Variants in DMD observed in about 807,000 individuals in gnomAD.
DMD encodes the protein mutant dystrophin.
Under a neutral mutation model 330.1 loss-of-function variants are expected in DMD, and 63 were observed. That is an observed-to-expected ratio of 0.19 (90% CI 0.16 to 0.24). The LOEUF is 0.24. Among genes scored for constraint, DMD ranks in the 10% least tolerant of loss-of-function variants. DMD has a pLI of 1.00. For missense variants in DMD, 3,344 were observed against 2,684.1 expected (o/e 1.25, Z -5.43); for synonymous variants, 1,223 against 959.8 (o/e 1.27, Z -5.07).
intron 7 of DMD, among the ~76,000 whole-genome samples, chrX:32,764,965 T>C (rs1428157165): frequency 9.2e-6 from 1 of 108,999 alleles, no homozygotes; most frequent in African/African-American, 3.3e-5. Flanking sequence ...GGGTTTTTTT[T>C]TTTTTTTTTG....
At chrX:33,271,057 T>C (rs771321838) in intron 1 of DMD, among the ~76,000 whole-genome samples, 1 of 111,861 alleles carries the variant, frequency 8.9e-6, no homozygotes, top group South Asian at 3.7e-4. Flanking sequence ...ATCTATTTTC[T>C]CGAAGATCTT....
At chrX:31,713,796 C>T (rs191119297) in intron 52 of DMD, among the ~76,000 whole-genome samples, 1 of 111,664 alleles carries the variant, frequency 9.0e-6, no homozygotes, top group East Asian at 2.8e-4. Flanking sequence ...TTCCTAGCCC[C>T]AATACCTTGC....
chrX:32,661,047 T>A (rs907650587), intron 9 of DMD, among the ~76,000 whole-genome samples: 29 of 111,380 alleles, frequency 2.6e-4, no homozygotes, highest in Non-Finnish European at 4.2e-4. Context: ...AGATATCAAG[T>A]ACCATATATT....
At chrX:33,007,816 T>C (rs1230220435) in intron 2 of DMD, among the ~76,000 whole-genome samples, 1 of 111,795 alleles carries the variant, frequency 8.9e-6, no homozygotes, top group Non-Finnish European at 1.9e-5. Flanking sequence ...CAAGTACAGA[T>C]ATGATACTCA....
chrX:31,962,445 T>A (rs1433813451), intron 45 of DMD, among the ~76,000 whole-genome samples: 1 of 111,888 alleles, frequency 8.9e-6, no homozygotes, highest in African/African-American at 3.3e-5. Flanking sequence ...GGAAATCTTA[T>A]TAAAAATGCT....
chrX:32,053,652 T>C (rs1267455426), intron 44 of DMD, among the ~76,000 whole-genome samples: 1 of 111,189 alleles, frequency 9.0e-6, no homozygotes, highest in Admixed American at 9.6e-5. Flanking sequence ...TATGCCTTTG[T>C]TCCCTCTGTC....
At chrX:32,747,346 T>C (rs2748307) in intron 7 of DMD, among the ~76,000 whole-genome samples, 33,879 of 111,452 alleles carry the variant, frequency 0.3, 3,859 homozygotes, top group Middle Eastern at 0.46. Flanking sequence ...ACTCAAACTT[T>C]AGTTGGAGAA....
At chrX:33,071,684 T>C (rs2094760021) in intron 1 of DMD, among the ~76,000 whole-genome samples, 1 of 111,539 alleles carries the variant, frequency 9.0e-6, no homozygotes, top group South Asian at 3.7e-4. Context: ...TTTCAATTAT[T>C]ATGCTTTTAT....
chrX:31,154,294 T>G (rs1361267274), intron 74 of DMD, among the ~76,000 whole-genome samples: 5 of 108,535 alleles, frequency 4.6e-5, no homozygotes, highest in African/African-American at 1.4e-4. Flanking sequence ...TTTTTTTTAT[T>G]TTTTTATTTT....
chrX:31,511,318 T>C (rs982348967), intron 55 of DMD, among the ~76,000 whole-genome samples: 29 of 88,617 alleles, frequency 3.3e-4, no homozygotes, highest in Non-Finnish European at 5.6e-4. Flanking sequence ...CATTTTTTAT[T>C]TATTTATTTA....
intron 18 of DMD, among the ~76,000 whole-genome samples, chrX:32,508,180 A>G (rs1397565598): frequency 1.8e-5 from 2 of 111,241 alleles, no homozygotes; most frequent in African/African-American, 6.5e-5. Flanking sequence ...CAGCTCAAAT[A>G]AACTGAATAA....
intron 2 of DMD, among the ~76,000 whole-genome samples, chrX:32,989,632 T>C (rs1475775053): frequency 8.9e-6 from 1 of 111,860 alleles, no homozygotes; most frequent in Non-Finnish European, 1.9e-5. Context: ...GTCTTTACAA[T>C]GAGAGCTCAA....
chrX:32,878,069 T>G (rs188162318), intron 2 of DMD, among the ~76,000 whole-genome samples: 134 of 112,378 alleles, frequency 1.2e-3, no homozygotes, highest in African/African-American at 4.3e-3. Context: ...AGGCATCAGA[T>G]TTCTATTTGA....
chrX:31,789,153 C>T (rs1031191581), intron 50 of DMD, among the ~76,000 whole-genome samples: 1 of 111,188 alleles, frequency 9.0e-6, no homozygotes, highest in Admixed American at 9.6e-5. Flanking sequence ...ATCCTTTGTT[C>T]TATATGCCTT....
At chrX:32,964,274 A>C (rs1394091379) in intron 2 of DMD, among the ~76,000 whole-genome samples, 2 of 107,520 alleles carry the variant, frequency 1.9e-5, no homozygotes, top group East Asian at 5.9e-4. Flanking sequence ...AAAAAAAAAA[A>C]ATTCACTGGC....
At position 32,216,867 on chromosome X, in the gene DMD, G is replaced by C. The variant is rs1430882102; in HGVS notation, c.6438+49C>G. The C allele has an allele frequency of 3.6e-6, 4 of 1,120,556 alleles. No homozygotes were observed. The African/African-American group carries it at 7.1e-5, about 20-fold the overall frequency. 92.3% of individuals were successfully genotyped at this position (1,120,556 alleles called of 1,213,427 possible). ...GATCTTTAAGAAGTTAAAGAGTCCA[G>C]ATGTGCTGAAGATAAATACAATTTC... On this transcript the variant is annotated intron_variant, in intron 44 of 78. Transcript: ENST00000357033.
chrX:33,116,590 C>A (rs999691622), intron 1 of DMD, among the ~76,000 whole-genome samples: 48 of 111,232 alleles, frequency 4.3e-4, no homozygotes, highest in African/African-American at 1.5e-3. Flanking sequence ...GTTATGGAAT[C>A]AAAGTTAATC....
intron 54 of DMD, among the ~76,000 whole-genome samples, chrX:31,652,320 T>G (rs1484414783): frequency 9.0e-6 from 1 of 111,624 alleles, no homozygotes; most frequent in Admixed American, 9.5e-5. Context: ...TTCCACACTG[T>G]GTGTATGACC....
intron 44 of DMD, among the ~76,000 whole-genome samples, chrX:32,213,155 G>T (rs765117794): frequency 1.8e-5 from 2 of 112,142 alleles, no homozygotes; most frequent in Non-Finnish European, 3.8e-5. Context: ...GTGCTTCTGC[G>T]TGTGTTTGTT....
Sources: gnomAD v4.1 joint callset for allele counts (sites outside exome capture counted in the v4.1 genomes callset) on GRCh38, gnomAD v4.1.1 for gene constraint, MANE v1.5 for transcripts, NCBI Gene and HGNC (gene_info 2026-07-23, HGNC 2026-07-21) for gene names.